Variants in PRKCE observed in about 807,000 individuals in gnomAD.
The protein encoded by PRKCE is protein kinase C epsilon type.
PRKCE carries 16 observed loss-of-function variants against 85.4 expected under a neutral mutation model. The ratio of observed to expected loss-of-function variants is 0.19; its 90% confidence interval spans 0.13 to 0.28. The LOEUF is 0.28. Among genes scored for constraint, PRKCE ranks in the 10% least tolerant of loss-of-function variants. PRKCE has a pLI of 1.00. For missense variants in PRKCE, 573 were observed against 975.2 expected, an observed-to-expected ratio of 0.59 and a Z score of 5.49; for synonymous variants, 388 against 371.5, an observed-to-expected ratio of 1.04 and a Z score of -0.51.
At chr2:46,025,818 G>A (rs899155740) in intron 10 of PRKCE, among the ~76,000 whole-genome samples, 3 of 152,198 alleles carry the variant, frequency 2.0e-5, no homozygotes, top group African/African-American at 4.8e-5. Context: ...GGATGTTTGT[G>A]TAGTTCAGAT....
rs35088567 is a variant in PRKCE at position 46,001,252 on chromosome 2, C to CATATAT, written c.824-137_824-132dup. The CATATAT allele has an allele frequency of 0.028, 10,210 of 366,022 alleles. 161 individuals carry two copies. Among genetic ancestry groups the CATATAT allele is most frequent in the Admixed American group, 0.035 (639 of 18,198 alleles). The allele number at this position is 366,022 out of a possible 1,614,324, so 22.7% of individuals were successfully genotyped here. A position where few individuals can be genotyped will look rare whatever the true frequency, so the allele number is the denominator to read the frequency against. On this transcript the variant is annotated intron_variant, in intron 6 of 14. Coordinates refer to ENST00000306156, the MANE Select transcript of PRKCE (RefSeq NM_005400.3). The surrounding 1 kb of genome is among the most constrained non-coding windows in gnomAD (Gnocchi z 4.4). The stretch of plus-strand genomic sequence containing the variant: ...GATTTTGGTTTTGTATGATGGAAGA[C>CATATAT]ATATATATATATATATATATTTCTG...
intron 10 of PRKCE, among the ~76,000 whole-genome samples, chr2:46,038,281 A>G (rs1433190636): frequency 6.6e-6 from 1 of 152,204 alleles, no homozygotes; most frequent in African/African-American, 2.4e-5. Context: ...ACAGGAGAGC[A>G]AATGTCAGGT....
At chr2:45,904,772 G>C (rs1696847527) in intron 2 of PRKCE, among the ~76,000 whole-genome samples, 1 of 152,180 alleles carries the variant, frequency 6.6e-6, no homozygotes, top group African/African-American at 2.4e-5. Context: ...CAAGACTCTT[G>C]CTGTCTCCCC....
chr2:45,720,849 C>G (rs1486850850), intron 1 of PRKCE, among the ~76,000 whole-genome samples: 2 of 152,126 alleles, frequency 1.3e-5, no homozygotes, highest in Non-Finnish European at 2.9e-5. Flanking sequence ...TGGCTCACAC[C>G]TGTAATCCCA....
At chr2:45,782,564 G>T (rs1184646537) in intron 1 of PRKCE, among the ~76,000 whole-genome samples, 1 of 152,094 alleles carries the variant, frequency 6.6e-6, no homozygotes, top group Non-Finnish European at 1.5e-5. Flanking sequence ...AGCCTCTAGG[G>T]AAAAGAGGAT....
chr2:45,958,028 G>C (rs1236150314), intron 2 of PRKCE, among the ~76,000 whole-genome samples: 1 of 151,148 alleles, frequency 6.6e-6, no homozygotes, highest in Non-Finnish European at 1.5e-5. Context: ...TTCTAGAAGT[G>C]AAGTCCAGCA....
At chr2:45,845,757 C>T (rs1040021118) in intron 2 of PRKCE, 1 of 152,188 alleles carries the variant, frequency 6.6e-6, no homozygotes, top group Admixed American at 6.5e-5. Context: ...CCACTGCTTG[C>T]ATGTCCTGTG....
chr2:45,694,036 G>A (rs1199184920), intron 1 of PRKCE, among the ~76,000 whole-genome samples: 1 of 151,746 alleles, frequency 6.6e-6, no homozygotes. Flanking sequence ...CTGGGGGATG[G>A]AATTTTTGAC....
intron 2 of PRKCE, among the ~76,000 whole-genome samples, chr2:45,862,568 T>C (rs928652830): frequency 6.6e-6 from 1 of 152,212 alleles, no homozygotes; most frequent in African/African-American, 2.4e-5. Flanking sequence ...GGGGATTCTT[T>C]GGCTGGATCT....
chr2:46,087,066 A>T (rs1669716557), intron 11 of PRKCE, among the ~76,000 whole-genome samples: 1 of 152,018 alleles, frequency 6.6e-6, no homozygotes, highest in African/African-American at 2.4e-5. Context: ...CCACAAGGAT[A>T]CTCAAGTTCC....
At chr2:45,957,916 T>TC (rs1467565263) in intron 2 of PRKCE, among the ~76,000 whole-genome samples, 19 of 97,368 alleles carry the variant, frequency 2.0e-4, no homozygotes, top group African/African-American at 6.6e-4. Context: ...ACTGTGTCTC[T>TC]ATTTTTTTTT....
At position 46,068,908 on chromosome 2, in the gene PRKCE, C is replaced by T. The variant is rs985691851; in HGVS notation, c.1438-17300C>T. On this transcript the variant is annotated intron_variant, in intron 10 of 14. Transcript: ENST00000306156. The surrounding 1 kb of genome is among the most constrained non-coding windows in gnomAD (Gnocchi z 4.3). The stretch of plus-strand genomic sequence containing the variant: ...GTCCTTGTGACTCCAAGGGTGATCC[C>T]TAGACTAGCAGCATTGCATTACCTG... 6.6e-6 allele frequency among the ~76,000 whole-genome samples: 1 copy of T among 152,212 alleles called. No homozygotes were observed.
intron 1 of PRKCE, among the ~76,000 whole-genome samples, chr2:45,683,243 GCAGGTAATT>G (rs1677044670): frequency 6.6e-6 from 1 of 152,198 alleles, no homozygotes; most frequent in Admixed American, 6.5e-5. Context: ...AGCAAGTCCT[GCAGGTAATT>G]CAGTGCCAGG....
At chr2:45,744,068 C>G (rs72886113) in intron 1 of PRKCE, among the ~76,000 whole-genome samples, 3,406 of 150,382 alleles carry the variant, frequency 0.023, 112 homozygotes, top group African/African-American at 0.078. Flanking sequence ...GTACTGGGTT[C>G]AAATCCTGGA....
intron 1 of PRKCE, among the ~76,000 whole-genome samples, chr2:45,744,916 T>A (rs1176370535): frequency 1.3e-5 from 2 of 152,206 alleles, no homozygotes; most frequent in African/African-American, 4.8e-5. Flanking sequence ...GCCATTTGCC[T>A]AGTTTTTCAA....
At chr2:46,174,482 T>C (rs1390654213) in intron 14 of PRKCE, among the ~76,000 whole-genome samples, 1 of 152,186 alleles carries the variant, frequency 6.6e-6, no homozygotes, top group African/African-American at 2.4e-5. Flanking sequence ...AAAATGTAGA[T>C]TGGGGCATTT....
intron 10 of PRKCE, among the ~76,000 whole-genome samples, chr2:46,043,707 G>C (rs1708350772): frequency 6.6e-6 from 1 of 152,170 alleles, no homozygotes; most frequent in African/African-American, 2.4e-5. Flanking sequence ...TGAAAAGGGG[G>C]TTTCTGTTAC....
At chr2:45,727,434 C>T (rs956133129) in intron 1 of PRKCE, among the ~76,000 whole-genome samples, 3 of 152,052 alleles carry the variant, frequency 2.0e-5, no homozygotes, top group Admixed American at 6.6e-5. Flanking sequence ...TCCCGGAGGA[C>T]GGGGTTCAAA....
intron 1 of PRKCE, among the ~76,000 whole-genome samples, chr2:45,805,568 G>A (rs1430441271): frequency 1.3e-5 from 2 of 151,538 alleles, no homozygotes; most frequent in Non-Finnish European, 2.9e-5. Context: ...TGAAGCTTAT[G>A]CTAAGTATTT....
Sources: allele counts gnomAD v4.1 joint callset (sites outside exome capture counted in the v4.1 genomes callset), GRCh38; gene constraint gnomAD v4.1.1; non-coding constraint Gnocchi (gnomAD v3.1); transcripts MANE v1.5; gene names NCBI Gene and HGNC (gene_info 2026-07-23, HGNC 2026-07-21).